The following CCDC146 variants were observed in gnomAD, a reference collection of about 807,000 sequenced individuals.
The protein encoded by CCDC146 is coiled-coil domain containing 146.
A neutral mutation model predicts 119.3 loss-of-function variants in CCDC146; 92 were observed. The ratio of observed to expected loss-of-function variants is 0.77; its 90% CI spans 0.65 to 0.92. The LOEUF (loss-of-function observed/expected upper bound fraction) is 0.92, where lower values mean the gene tolerates loss of function less well. CCDC146 is among the 40% of genes least tolerant of loss of function. The probability of loss-of-function intolerance (pLI) is 0.00; values close to 1 mark genes in which losing one functional copy is unlikely to be tolerated. For synonymous variants in CCDC146, 372 were observed against 371.8 expected (o/e 1.00, Z -0.01); for missense variants, 1,000 against 1,103.0 (o/e 0.91, Z 1.32).
intron 9 of CCDC146, among the ~76,000 whole-genome samples, chr7:77,268,145 C>G (rs1793443190): frequency 6.6e-6 from 1 of 152,140 alleles, no homozygotes; most frequent in Admixed American, 6.5e-5. Context: ...GGTAGAGTAT[C>G]TTAAATTTTA....
chr7:77,181,762 T>C (rs1267073480), intron 2 of CCDC146, among the ~76,000 whole-genome samples: 1 of 152,208 alleles, frequency 6.6e-6, no homozygotes, highest in Non-Finnish European at 1.5e-5. Flanking sequence ...TTGCTTATGA[T>C]AGTTTTTTTC....
chr7:77,219,857 T>G (rs1792369016), intron 2 of CCDC146, among the ~76,000 whole-genome samples: 1 of 151,920 alleles, frequency 6.6e-6, no homozygotes, highest in African/African-American at 2.4e-5. Context: ...GTCACAGAGA[T>G]CACATGCTTC....
At chr7:77,199,609 G>T in intron 2 of CCDC146, 2 of 1,614,094 alleles carry the variant, frequency 1.2e-6, no homozygotes, top group Non-Finnish European at 1.7e-6. Flanking sequence ...AGTCAAGGGG[G>T]GCAGGCTTAC....
intron 2 of CCDC146, among the ~76,000 whole-genome samples, chr7:77,232,863 G>T (rs1310491932): frequency 6.6e-6 from 1 of 152,182 alleles, no homozygotes; most frequent in Non-Finnish European, 1.5e-5. Context: ...GGGGACATGG[G>T]CACCTCACTG....
At position 77,259,389 on chromosome 7, in the gene CCDC146, G is replaced by C. The variant is rs535610477; in HGVS notation, c.758+321G>C. 3.2e-5 allele frequency: 7 copies of C among 219,060 alleles called. No individual in the cohort carries two copies. In the South Asian group the frequency reaches 5.8e-4, roughly 18 times the overall value. The allele number at this position is 219,060 out of a possible 1,614,324, so 13.6% of individuals were successfully genotyped here. A position where few individuals can be genotyped will look rare whatever the true frequency, so the allele number is the denominator to read the frequency against. On this transcript the variant is annotated intron_variant, in intron 7 of 18. Transcript: ENST00000285871. Reference sequence around the variant, plus strand: ...TATGCGAACTGGTTAGAATTTCATAGTCTAGAAGTATATCAGCCAGGCAGC... The same window carrying C: ...TATGCGAACTGGTTAGAATTTCATACTCTAGAAGTATATCAGCCAGGCAGC...
At chr7:77,289,457 G>T (rs1465468193) in intron 17 of CCDC146, among the ~76,000 whole-genome samples, 1 of 152,096 alleles carries the variant, frequency 6.6e-6, no homozygotes, top group Non-Finnish European at 1.5e-5. Flanking sequence ...CATTTAAAAT[G>T]ATAATCTCAT....
intron 2 of CCDC146, among the ~76,000 whole-genome samples, chr7:77,208,483 A>G (rs1055335917): frequency 6.6e-6 from 1 of 152,228 alleles, no homozygotes; most frequent in Non-Finnish European, 1.5e-5. Flanking sequence ...GTGTATCTAA[A>G]AAAAGGCACA....
chr7:77,190,648 G>A (rs1385515756), intron 2 of CCDC146, among the ~76,000 whole-genome samples: 2 of 152,190 alleles, frequency 1.3e-5, no homozygotes, highest in Non-Finnish European at 2.9e-5. Flanking sequence ...GACACTCCAT[G>A]TTTTCAAAGT....
intron 1 of CCDC146, among the ~76,000 whole-genome samples, chr7:77,151,357 G>A (rs192199363): frequency 6.6e-6 from 1 of 152,044 alleles, no homozygotes; most frequent in African/African-American, 2.4e-5. Flanking sequence ...AAAACTACTG[G>A]TGGTTATCAT....
intron 1 of CCDC146, among the ~76,000 whole-genome samples, chr7:77,139,059 A>G (rs746052869): frequency 6.6e-6 from 1 of 152,250 alleles, no homozygotes; most frequent in Admixed American, 6.5e-5. Flanking sequence ...ATCTGCACAT[A>G]GATGTTTAAG....
intron 1 of CCDC146, among the ~76,000 whole-genome samples, chr7:77,143,880 G>A (rs1790975218): frequency 6.6e-6 from 1 of 151,746 alleles, no homozygotes; most frequent in Admixed American, 6.6e-5. Flanking sequence ...TTTGGCTTAG[G>A]ATTGACTTGG....
intron 15 of CCDC146, 89 bp from the exon 16 acceptor site, chr7:77,286,709 T>C: frequency 7.3e-7 from 1 of 1,365,922 alleles, no homozygotes; most frequent in African/African-American, 1.5e-5. Flanking sequence ...TTGGTCCTAC[T>C]AAAAAACTCT....
intron 2 of CCDC146, among the ~76,000 whole-genome samples, chr7:77,218,786 G>A (rs573161219): frequency 1.3e-5 from 2 of 151,778 alleles, no homozygotes; most frequent in East Asian, 3.9e-4. Flanking sequence ...TGCCTAGGCT[G>A]GTCCCTAACT....
intron 2 of CCDC146, among the ~76,000 whole-genome samples, chr7:77,201,720 GT>G (rs1791993382): frequency 6.6e-6 from 1 of 151,326 alleles, no homozygotes; most frequent in African/African-American, 2.4e-5. Context: ...TTCAAAAATT[GT>G]TTTTCTCTTC....
chr7:77,167,872 T>C (rs1279734630), intron 2 of CCDC146, 48 bp downstream of exon 2: 2 of 1,584,896 alleles, frequency 1.3e-6, no homozygotes, highest in Non-Finnish European at 1.7e-6. Context: ...ACTCAACATG[T>C]ACTTAAAAAT....
At chr7:77,249,682 A>G (rs964402714) in intron 4 of CCDC146, among the ~76,000 whole-genome samples, 2 of 152,088 alleles carry the variant, frequency 1.3e-5, no homozygotes, top group African/African-American at 4.8e-5. Flanking sequence ...CTTTTAATAT[A>G]TATGTGTCTT....
intron 15 of CCDC146, among the ~76,000 whole-genome samples, chr7:77,284,915 G>T (rs1393825263): frequency 6.6e-6 from 1 of 151,682 alleles, no homozygotes; most frequent in African/African-American, 2.4e-5. Flanking sequence ...CCATTTCTGT[G>T]CCCTGTTCTG....
At chr7:77,154,465 C>A (rs560560412) in intron 1 of CCDC146, among the ~76,000 whole-genome samples, 1 of 149,488 alleles carries the variant, frequency 6.7e-6, no homozygotes, top group Non-Finnish European at 1.5e-5. Context: ...CCTCCCCCAC[C>A]CCATGACAGG....
chr7:77,273,814 TTCTA>T (rs757792579), intron 10 of CCDC146, 25 bp downstream of exon 10: 3 of 1,468,030 alleles, frequency 2.0e-6, no homozygotes, highest in Non-Finnish European at 1.9e-6. Flanking sequence ...TCATTTAAGC[TTCTA>T]TCTAAGAAGC....
Sources: allele counts gnomAD v4.1 joint callset (sites outside exome capture counted in the v4.1 genomes callset), GRCh38; gene constraint gnomAD v4.1.1; transcripts MANE v1.5; gene names NCBI Gene and HGNC (gene_info 2026-07-23, HGNC 2026-07-21).